LINGO2: variants seen among roughly 807,000 people sequenced by gnomAD.
The protein encoded by LINGO2 is leucine rich repeat and Ig domain containing 2, also known as leucine-rich repeat and immunoglobulin-like domain-containing nogo receptor-interacting protein 2.
In LINGO2, 14 loss-of-function variants were observed where a neutral mutation model predicts 30.6. The observed-to-expected ratio is 0.46, with a 90% CI of 0.30 to 0.72. LINGO2 has a LOEUF of 0.72. Ranked by LOEUF, LINGO2 falls within the 30% of genes least tolerant of loss-of-function variation. The pLI, the probability that LINGO2 is intolerant of heterozygous loss-of-function variation, is 0.07. For missense variants in LINGO2, 729 were observed against 751.7 expected, an observed-to-expected ratio of 0.97 and a Z score of 0.35; for synonymous variants, 317 against 288.5, an observed-to-expected ratio of 1.10 and a Z score of -1.00.
chr9:27,969,752 G>A (rs542110463), intron 5 of LINGO2, among the ~76,000 whole-genome samples: 1 of 152,024 alleles, frequency 6.6e-6, no homozygotes, highest in Non-Finnish European at 1.5e-5. Context: ...TGAGTGGTAG[G>A]TGGCATTATT....
the LINGO2 span, among the ~76,000 whole-genome samples, chr9:28,844,542 C>T: frequency 2.0e-5 from 3 of 151,700 alleles, no homozygotes; most frequent in African/African-American, 7.3e-5. Flanking sequence ...ACTTTAACAA[C>T]ATTTTTATAA....
the LINGO2 span, among the ~76,000 whole-genome samples, chr9:28,679,507 GC>G: frequency 6.6e-6 from 1 of 151,966 alleles, no homozygotes; most frequent in Non-Finnish European, 1.5e-5. Context: ...AGAGTTCCTA[GC>G]CCTTAAAAAC....
intron 3 of LINGO2, among the ~76,000 whole-genome samples, chr9:28,314,460 C>G (rs1824759766): frequency 6.6e-6 from 1 of 152,140 alleles, no homozygotes; most frequent in Non-Finnish European, 1.5e-5. Context: ...CCACCTGTCT[C>G]CTGTTCCTTC....
the LINGO2 span, among the ~76,000 whole-genome samples, chr9:28,793,741 G>A: frequency 6.6e-6 from 1 of 152,126 alleles, no homozygotes; most frequent in African/African-American, 2.4e-5. Flanking sequence ...TCTATTCAAA[G>A]TGTAGTTCTG....
intron 2 of LINGO2, among the ~76,000 whole-genome samples, chr9:28,401,403 T>C (rs1482155681): frequency 1.3e-5 from 2 of 152,168 alleles, no homozygotes; most frequent in African/African-American, 2.4e-5. Flanking sequence ...TTTTGGTTTC[T>C]GTGTTAGTTT....
At chr9:28,292,116 T>C (rs1232714583) in intron 4 of LINGO2, among the ~76,000 whole-genome samples, 1 of 152,220 alleles carries the variant, frequency 6.6e-6, no homozygotes, top group Admixed American at 6.5e-5. Flanking sequence ...ATCTGCATCA[T>C]TTGATCTGTG....
At chr9:28,728,078 A>T in the LINGO2 span, among the ~76,000 whole-genome samples, 4 of 152,208 alleles carry the variant, frequency 2.6e-5, no homozygotes, top group Admixed American at 1.3e-4. Context: ...GAAGGACAGC[A>T]TCTCACTTAT....
At chr9:28,919,432 G>A in the LINGO2 span, among the ~76,000 whole-genome samples, 1 of 152,128 alleles carries the variant, frequency 6.6e-6, no homozygotes, top group Admixed American at 6.6e-5. Context: ...AAAGTGCCAT[G>A]TATAACATAG....
chr9:28,636,794 T>C (rs962354199), intron 1 of LINGO2, among the ~76,000 whole-genome samples: 1 of 152,210 alleles, frequency 6.6e-6, no homozygotes, highest in Admixed American at 6.5e-5. Context: ...TGATGTTAGT[T>C]TCTTTTGCTG....
intron 2 of LINGO2, among the ~76,000 whole-genome samples, chr9:28,387,105 CA>C (rs1427299028): frequency 1.3e-5 from 2 of 152,154 alleles, no homozygotes; most frequent in African/African-American, 4.8e-5. Context: ...GTAAACACAC[CA>C]ATCAGCACTC....
chr9:28,482,537 T>G (rs1477956337), intron 1 of LINGO2, among the ~76,000 whole-genome samples: 1 of 152,144 alleles, frequency 6.6e-6, no homozygotes, highest in Non-Finnish European at 1.5e-5. Context: ...CTTTGTCAGA[T>G]GAGTAGGTTG....
intron 2 of LINGO2, among the ~76,000 whole-genome samples, chr9:28,470,626 G>A (rs1053199351): frequency 1.3e-5 from 2 of 152,010 alleles, no homozygotes; most frequent in African/African-American, 4.8e-5. Context: ...CCCAACACAC[G>A]AATGGGGTAT....
At chr9:28,522,412 G>A (rs1264398201) in intron 1 of LINGO2, among the ~76,000 whole-genome samples, 1 of 152,038 alleles carries the variant, frequency 6.6e-6, no homozygotes, top group Non-Finnish European at 1.5e-5. Flanking sequence ...ATCTGCGAGG[G>A]GAGTACAGAG....
chr9:28,035,950 G>C (rs75657793), intron 4 of LINGO2, among the ~76,000 whole-genome samples: 2 of 151,946 alleles, frequency 1.3e-5, no homozygotes, highest in Non-Finnish European at 2.9e-5. Context: ...TCAGGCAGTT[G>C]ACATGATGTG....
intron 4 of LINGO2, among the ~76,000 whole-genome samples, chr9:28,232,224 C>T (rs1271857798): frequency 6.6e-6 from 1 of 151,846 alleles, no homozygotes; most frequent in Non-Finnish European, 1.5e-5. Flanking sequence ...CATGATGAAA[C>T]CTTGTCTCTA....
chr9:28,461,948 T>A (rs559543012), intron 2 of LINGO2, among the ~76,000 whole-genome samples: 17 of 152,162 alleles, frequency 1.1e-4, no homozygotes, highest in Non-Finnish European at 2.2e-4. Context: ...GAACATAGGC[T>A]GAAAGAGAAT....
At chr9:29,109,073 T>G in the LINGO2 span, among the ~76,000 whole-genome samples, 1 of 152,228 alleles carries the variant, frequency 6.6e-6, no homozygotes, top group Non-Finnish European at 1.5e-5. Flanking sequence ...TACATATTTA[T>G]ATATAAGCCA....
chr9:28,915,786 T>A, the LINGO2 span, among the ~76,000 whole-genome samples: 1 of 152,198 alleles, frequency 6.6e-6, no homozygotes, highest in Admixed American at 6.5e-5. Context: ...AGATATGTAT[T>A]ATCCCTGTCC....
chr9:28,677,589 G>A, the LINGO2 span, among the ~76,000 whole-genome samples: 3 of 152,236 alleles, frequency 2.0e-5, no homozygotes, highest in East Asian at 5.8e-4. Context: ...CATATCTTCA[G>A]TGGATTCACA....
Sources: gnomAD v4.1 joint callset for allele counts (sites outside exome capture counted in the v4.1 genomes callset) on GRCh38, gnomAD v4.1.1 for gene constraint, MANE v1.5 for transcripts, NCBI Gene and HGNC (gene_info 2026-07-23, HGNC 2026-07-21) for gene names.